Variants in PTPN9 observed in about 807,000 individuals in gnomAD.
PTPN9 encodes the protein tyrosine-protein phosphatase non-receptor type 9.
PTPN9 carries 26 observed loss-of-function variants against 69.8 expected under a neutral mutation model. The ratio of observed to expected loss-of-function variants is 0.37; its 90% CI spans 0.27 to 0.52. PTPN9 has a LOEUF of 0.52. Among genes scored for constraint, PTPN9 ranks in the 20% least tolerant of loss-of-function variants. The pLI is 0.91. For synonymous variants in PTPN9, 274 were observed against 272.5 expected (o/e 1.01, Z -0.05); for missense variants, 549 against 740.3 (o/e 0.74, Z 3.00).
At chr15:75,549,735 A>G (rs998862069) in intron 1 of PTPN9, among the ~76,000 whole-genome samples, 4 of 152,152 alleles carry the variant, frequency 2.6e-5, no homozygotes, top group African/African-American at 4.8e-5. Flanking sequence ...TAGACCTTGG[A>G]AGGCTGGGGC....
At chr15:75,537,901 A>C (rs974729612) in intron 1 of PTPN9, among the ~76,000 whole-genome samples, 2 of 150,688 alleles carry the variant, frequency 1.3e-5, no homozygotes, top group African/African-American at 4.9e-5. Context: ...TCTTCTAAAA[A>C]TACAAAAATT....
intron 6 of PTPN9, among the ~76,000 whole-genome samples, chr15:75,506,636 A>G (rs911909276): frequency 2.6e-5 from 4 of 152,134 alleles, no homozygotes; most frequent in African/African-American, 9.7e-5. Flanking sequence ...CAGCCCCTCA[A>G]GTAGCTGGGA....
At chr15:75,498,542 C>CT (rs1418862660) in intron 7 of PTPN9, among the ~76,000 whole-genome samples, 1 of 151,790 alleles carries the variant, frequency 6.6e-6, no homozygotes, top group African/African-American at 2.4e-5. Flanking sequence ...TGGTGAAACC[C>CT]TGACTGTAGT....
intron 8 of PTPN9, among the ~76,000 whole-genome samples, chr15:75,484,716 A>G (rs1019780339): frequency 6.6e-6 from 1 of 152,160 alleles, no homozygotes; most frequent in African/African-American, 2.4e-5. Flanking sequence ...GACAAAAGAA[A>G]AGTTTCAATA....
Position 75,516,741 on chromosome 15 carries a change from C to CT in PTPN9, c.528+517dup, listed in dbSNP as rs34906409. Among the ~76,000 whole-genome samples the CT allele has an allele frequency of 9.0e-3, 790 of 87,926 alleles. 16 individuals are homozygous for CT. The highest frequency in any genetic ancestry group is 0.015 in the African/African-American group (290 of 19,064). 57.7% of individuals were successfully genotyped at this position (87,926 alleles called of 152,430 possible). On this transcript the variant is annotated intron_variant, in intron 5 of 12. Coordinates refer to ENST00000618819, the MANE Select transcript of PTPN9 (RefSeq NM_002833.4). Reference sequence around the variant, plus strand: ...TTTTATGACTCAGAATGTTCCTGTGCTTTTTTTTTTTTTTTTTTTTTTGAG... The same window carrying CT: ...TTTTATGACTCAGAATGTTCCTGTGCTTTTTTTTTTTTTTTTTTTTTTTGAG...
intron 1 of PTPN9, among the ~76,000 whole-genome samples, chr15:75,564,674 C>T (rs942140590): frequency 6.6e-6 from 1 of 151,822 alleles, no homozygotes; most frequent in African/African-American, 2.4e-5. Context: ...AAAATCCCTC[C>T]ATCTGGAGTG....
chr15:75,576,905 A>T (rs972901789), intron 1 of PTPN9, among the ~76,000 whole-genome samples: 1 of 152,230 alleles, frequency 6.6e-6, no homozygotes, highest in Non-Finnish European at 1.5e-5. Context: ...AACATTAGGC[A>T]TTACCATAAT....
At chr15:75,500,310 AAAATAAAT>A (rs577876977) in intron 7 of PTPN9, among the ~76,000 whole-genome samples, 14 of 151,340 alleles carry the variant, frequency 9.3e-5, no homozygotes, top group Admixed American at 2.7e-4. Context: ...ACTCTGTCTC[AAAATAAAT>A]AAATAAATAA....
chr15:75,523,098 T>TA (rs1226766111), intron 4 of PTPN9, 23 bp downstream of exon 4: 1 of 1,604,176 alleles, frequency 6.2e-7, no homozygotes, highest in South Asian at 1.1e-5. Flanking sequence ...GTAGAATACC[T>TA]AAAAAATAAT....
At chr15:75,481,799 G>A (rs2074636436) in intron 8 of PTPN9, among the ~76,000 whole-genome samples, 1 of 127,390 alleles carries the variant, frequency 7.8e-6, no homozygotes, top group Non-Finnish European at 1.7e-5. Flanking sequence ...GAGCCCCTCT[G>A]CCCGGCCAGC....
At position 75,467,656 on chromosome 15, in the gene PTPN9, G is replaced by C. The variant is rs1397450495; in HGVS notation, c.*1113C>G. 6.6e-6 allele frequency: 1 copy of C among 152,572 alleles called. No individual in the cohort carries two copies. Among genetic ancestry groups the C allele is most frequent in the Non-Finnish European group, 1.5e-5 (1 of 68,054 alleles). 9.5% of individuals were successfully genotyped at this position (152,572 alleles called of 1,614,324 possible). A position where few individuals can be genotyped will look rare whatever the true frequency, so the allele number is the denominator to read the frequency against. On this transcript the variant is annotated 3_prime_UTR_variant, in exon 13 of 13. Coordinates refer to ENST00000618819, the MANE Select transcript of PTPN9 (RefSeq NM_002833.4). ...AAGGGCCCCAGCTCATCCTCCCAGG[G>C]AGGTATTTTCTTAGTGGTTTTTTCT...
At position 75,577,579 on chromosome 15, in the gene PTPN9, C is replaced by T. The variant is rs548182816; in HGVS notation, c.63+1135G>A. ...GCCAAATAGAAAAATGTCATCTCCACAAATAAGGAGAAAAGACAAGGACTT... is the reference window on the plus strand; with the variant it reads ...GCCAAATAGAAAAATGTCATCTCCATAAATAAGGAGAAAAGACAAGGACTT... On this transcript the variant is annotated intron_variant, in intron 1 of 12. Transcript: ENST00000618819. 1.1e-4 allele frequency among the ~76,000 whole-genome samples: 16 copies of T among 152,252 alleles called. No individual in the cohort carries two copies. The East Asian group carries it at 1.2e-3, about 11-fold the overall frequency.
Position 75,481,825 on chromosome 15 carries a change from G to A in PTPN9, c.1063-1911C>T, listed in dbSNP as rs1370640686. 1.0e-3 allele frequency among the ~76,000 whole-genome samples: 137 copies of A among 136,532 alleles called. 4 individuals are homozygous for A. In the East Asian group the frequency reaches 0.029, roughly 29 times the overall value. The allele number at this position is 136,532 out of a possible 152,430, so 89.6% of individuals were successfully genotyped here. On this transcript the variant is annotated intron_variant, in intron 8 of 12. Coordinates refer to ENST00000618819, the MANE Select transcript of PTPN9 (RefSeq NM_002833.4). The stretch of plus-strand genomic sequence containing the variant: ...CCCGGCCAGCCGCCCCGTCCGGGAG[G>A]GAGGTGGGGGGGGGTCAGCGCCCCT...
intron 1 of PTPN9, among the ~76,000 whole-genome samples, chr15:75,531,150 A>T (rs1331986471): frequency 6.6e-6 from 1 of 151,568 alleles, no homozygotes; most frequent in Non-Finnish European, 1.5e-5. Flanking sequence ...CTAGGAAAGG[A>T]CAAAAGTACT....
chr15:75,549,337 A>T (rs1426277642), intron 1 of PTPN9, among the ~76,000 whole-genome samples: 1 of 151,904 alleles, frequency 6.6e-6, no homozygotes, highest in African/African-American at 2.4e-5. Flanking sequence ...AGTAGTTGGG[A>T]CTACAGGGGT....
intron 1 of PTPN9, among the ~76,000 whole-genome samples, chr15:75,559,303 C>T (rs4408507): frequency 0.6 from 90,874 of 151,944 alleles, 28,484 homozygotes; most frequent in African/African-American, 0.8. Flanking sequence ...CGGGCCATGA[C>T]GACGATGGCG....
intron 1 of PTPN9, among the ~76,000 whole-genome samples, chr15:75,549,290 T>G (rs553427089): frequency 6.6e-6 from 1 of 152,214 alleles, no homozygotes; most frequent in East Asian, 1.9e-4. Context: ...AGTCTTGACC[T>G]CCCAGGTGCA....
chr15:75,514,698 T>C (rs1225506025), intron 5 of PTPN9, among the ~76,000 whole-genome samples: 2 of 152,212 alleles, frequency 1.3e-5, no homozygotes, highest in Non-Finnish European at 2.9e-5. Flanking sequence ...TGTATCTTCA[T>C]GGATTAGAAT....
intron 8 of PTPN9, chr15:75,487,877 T>G (rs191489994): frequency 6.6e-6 from 1 of 152,310 alleles, no homozygotes; most frequent in African/African-American, 2.4e-5. Context: ...TTTCCAAAAA[T>G]TATTCCCCAG....
Sources: gnomAD v4.1 joint callset for allele counts (sites outside exome capture counted in the v4.1 genomes callset) on GRCh38, gnomAD v4.1.1 for gene constraint, MANE v1.5 for transcripts, NCBI Gene and HGNC (gene_info 2026-07-23, HGNC 2026-07-21) for gene names.